The following PDE3A variants were observed in gnomAD, a reference collection of about 807,000 sequenced individuals.
The protein encoded by PDE3A is phosphodiesterase 3A, also known as cGMP-inhibited 3',5'-cyclic phosphodiesterase 3A.
In PDE3A, 43 loss-of-function variants were observed where a neutral mutation model predicts 98.3. The ratio of observed to expected loss-of-function variants is 0.44; its 90% CI spans 0.34 to 0.56. The LOEUF (loss-of-function observed/expected upper bound fraction) is 0.56, where lower values mean the gene tolerates loss of function less well. Among genes scored for constraint, PDE3A ranks in the 20% least tolerant of loss-of-function variants. The pLI is 0.01. For synonymous variants in PDE3A, 663 were observed against 567.9 expected, an observed-to-expected ratio of 1.17 and a Z score of -2.38; for missense variants, 1,427 against 1,440.7, an observed-to-expected ratio of 0.99 and a Z score of 0.15.
intron 10 of PDE3A, among the ~76,000 whole-genome samples, chr12:20,640,423 C>T (rs1944619937): frequency 6.6e-6 from 1 of 152,012 alleles, no homozygotes. Flanking sequence ...AGAGTTAAGT[C>T]ACTATATATG....
chr12:20,562,219 CTTTTTT>C (rs138632511), intron 2 of PDE3A, among the ~76,000 whole-genome samples: 6 of 114,190 alleles, frequency 5.3e-5, no homozygotes, highest in Non-Finnish European at 5.4e-5. Flanking sequence ...AGAAAATATG[CTTTTTT>C]TTTTTTTTTT....
intron 1 of PDE3A, among the ~76,000 whole-genome samples, chr12:20,405,442 A>G (rs566035838): frequency 3.3e-5 from 5 of 152,066 alleles, no homozygotes; most frequent in Admixed American, 1.3e-4. Context: ...TCTCTTTCAC[A>G]AAGCTTTCTG....
chr12:20,399,566 A>T (rs1253652227), intron 1 of PDE3A, among the ~76,000 whole-genome samples: 1 of 152,222 alleles, frequency 6.6e-6, no homozygotes, highest in Non-Finnish European at 1.5e-5. Context: ...GTCTTTACAT[A>T]CAGGATTCAG....
intron 1 of PDE3A, among the ~76,000 whole-genome samples, chr12:20,458,117 GATGCATTT>G (rs1055287791): frequency 9.7e-5 from 13 of 134,522 alleles, no homozygotes; most frequent in African/African-American, 3.3e-4. Flanking sequence ...TCTTCACATA[GATGCATTT>G]ATTATTTATA....
intron 2 of PDE3A, among the ~76,000 whole-genome samples, chr12:20,571,371 A>T (rs1358818888): frequency 6.6e-6 from 1 of 152,158 alleles, no homozygotes; most frequent in African/African-American, 2.4e-5. Context: ...CAGCAATAAT[A>T]TTGTAAACTC....
At chr12:20,626,552 G>A (rs1350615992) in intron 5 of PDE3A, among the ~76,000 whole-genome samples, 1 of 152,124 alleles carries the variant, frequency 6.6e-6, no homozygotes, top group African/African-American at 2.4e-5. Context: ...CTGGGGTGCA[G>A]CAGTGGTGGG....
At position 20,686,819 on chromosome 12, in the gene PDE3A, C is replaced by G. The variant is rs1945976443; in HGVS notation, c.*6548C>G. On this transcript the variant is annotated 3_prime_UTR_variant, in exon 16 of 16. Coordinates refer to ENST00000359062, the MANE Select transcript of PDE3A (RefSeq NM_000921.5). ...AGTTCTAGTTCCTCAAGCCTGCTTT[C>G]CTTGTAAAGTCCATGGTACTAAGAA... 6.6e-6 allele frequency among the ~76,000 whole-genome samples: 1 copy of G among 152,116 alleles called. No homozygotes were observed. The highest frequency in any genetic ancestry group is 1.5e-5 in the Non-Finnish European group (1 of 67,988).
At chr12:20,665,487 G>A (rs533003214) in intron 15 of PDE3A, among the ~76,000 whole-genome samples, 74 of 152,134 alleles carry the variant, frequency 4.9e-4, no homozygotes, top group African/African-American at 1.6e-3. Context: ...AAATGCATAC[G>A]TGCTGATGTA....
chr12:20,638,953 G>C (rs1340992463), intron 9 of PDE3A, among the ~76,000 whole-genome samples: 1 of 151,894 alleles, frequency 6.6e-6, no homozygotes, highest in Non-Finnish European at 1.5e-5. Flanking sequence ...ATTCAACCCA[G>C]GATTCCAAAG....
intron 1 of PDE3A, among the ~76,000 whole-genome samples, chr12:20,443,692 A>G (rs932636524): frequency 6.6e-6 from 1 of 152,202 alleles, no homozygotes; most frequent in South Asian, 2.1e-4. Context: ...ATTAGCATAA[A>G]TTAAGGATTA....
At chr12:20,568,477 G>T (rs1031562980) in intron 2 of PDE3A, among the ~76,000 whole-genome samples, 6 of 151,816 alleles carry the variant, frequency 4.0e-5, no homozygotes, top group African/African-American at 1.4e-4. Flanking sequence ...ATACAGCATT[G>T]GAAGTAATAT....
intron 1 of PDE3A, among the ~76,000 whole-genome samples, chr12:20,467,492 T>C (rs2120951410): frequency 1.3e-5 from 2 of 152,274 alleles, no homozygotes; most frequent in Middle Eastern, 6.8e-3. Flanking sequence ...AAGGAGGATT[T>C]TTAAAGTCTT....
At position 20,416,511 on chromosome 12, in the gene PDE3A, G is replaced by A. The variant is rs547505456; in HGVS notation, c.960+46267G>A. Reference sequence around the variant, plus strand: ...AACATTTATTAAGCAGCCGCTATGTGCCAGGAATAGTAGAATAAATAAAAT... The same window carrying A: ...AACATTTATTAAGCAGCCGCTATGTACCAGGAATAGTAGAATAAATAAAAT... On this transcript the variant is annotated intron_variant, in intron 1 of 15. Transcript: ENST00000359062. 3.3e-5 allele frequency among the ~76,000 whole-genome samples: 5 copies of A among 152,260 alleles called. No individual in the cohort carries two copies. The South Asian group carries it at 1.0e-3, about 32-fold the overall frequency.
rs777409708 is a variant in PDE3A, at chr12:20,383,836, C to T, written c.960+13592C>T. Among the ~76,000 whole-genome samples the T allele has an allele frequency of 7.2e-5, 11 of 151,814 alleles. No homozygotes were observed. In the South Asian group the frequency reaches 1.5e-3, roughly 20 times the overall value. Reference sequence around the variant, plus strand: ...GACTCGTTCTGAGGCAGATGGGATACCATCAAAGGGTTTTGAGCAAAGAAA... The same window carrying T: ...GACTCGTTCTGAGGCAGATGGGATATCATCAAAGGGTTTTGAGCAAAGAAA... On this transcript the variant is annotated intron_variant, in intron 1 of 15. Transcript: ENST00000359062.
At chr12:20,647,086 C>A (rs117453345) in intron 12 of PDE3A, 136 bp downstream of exon 12, 5 of 614,004 alleles carry the variant, frequency 8.1e-6, no homozygotes, top group Non-Finnish European at 1.4e-5. Context: ...TCTCAGAGAC[C>A]GTGCTAATTC....
At chr12:20,395,688 T>TTTTATA (rs10636283) in intron 1 of PDE3A, among the ~76,000 whole-genome samples, 13 of 143,422 alleles carry the variant, frequency 9.1e-5, no homozygotes, top group African/African-American at 2.8e-4. Context: ...AATAGAATCA[T>TTTTATA]TATATATATA....
intron 2 of PDE3A, among the ~76,000 whole-genome samples, chr12:20,586,400 G>A (rs1943199322): frequency 6.6e-6 from 1 of 152,160 alleles, no homozygotes; most frequent in South Asian, 2.1e-4. Flanking sequence ...ATTTCTCCTA[G>A]TGGGACTGCG....
intron 1 of PDE3A, among the ~76,000 whole-genome samples, chr12:20,405,650 T>A (rs185574149): frequency 3.9e-5 from 6 of 152,288 alleles, no homozygotes; most frequent in African/African-American, 9.6e-5. Context: ...ATGTGATGAT[T>A]TGATATACAT....
intron 1 of PDE3A, among the ~76,000 whole-genome samples, chr12:20,376,032 A>C (rs1353226660): frequency 6.6e-6 from 1 of 151,946 alleles, no homozygotes; most frequent in Non-Finnish European, 1.5e-5. Context: ...ATGTTTTTGA[A>C]AATGGAAATT....
Sources: allele counts gnomAD v4.1 joint callset (sites outside exome capture counted in the v4.1 genomes callset), GRCh38; gene constraint gnomAD v4.1.1; transcripts MANE v1.5; gene names NCBI Gene and HGNC (gene_info 2026-07-23, HGNC 2026-07-21).